Variants in C17orf78 observed in about 807,000 individuals in gnomAD.
The protein encoded by C17orf78 is chromosome 17 open reading frame 78.
Under a neutral mutation model 31.8 loss-of-function variants are expected in C17orf78, and 27 were observed. The observed-to-expected ratio is 0.85, with a 90% CI of 0.63 to 1.17. The LOEUF is 1.17. Among genes scored for constraint, C17orf78 ranks in the 50% most tolerant of loss-of-function variants. C17orf78 has a pLI of 0.00. For synonymous variants in C17orf78, 106 were observed against 115.1 expected (o/e 0.92, Z 0.51); for missense variants, 258 against 315.2 (o/e 0.82, Z 1.37).
Position 37,379,230 on chromosome 17 carries a change from A to G in C17orf78, c.239A>G (p.Asn80Ser), listed in dbSNP as rs1322362236. 6.2e-7 allele frequency: 1 copy of G among 1,613,910 alleles called. No homozygotes were observed. The highest frequency in any genetic ancestry group is 1.1e-5 in the South Asian group (1 of 91,088). The change falls in exon 3 of 7, where the codon AAC becomes AGC. Residue 80 changes from asparagine (N) to serine (S), a missense_variant. Asn to Ser is a conservative substitution (Grantham distance 46). Coordinates refer to ENST00000615133, the MANE Select transcript of C17orf78 (RefSeq NM_173625.5). ...GGCTCTGACAGCAAAGTAAAAGTCA[A>G]CCTTGTATATTTGGAGAGAAGGCCA... Reference protein sequence around the residue: ...CLGSDSKVKVNLVYLERRPKV... With the variant: ...CLGSDSKVKVSLVYLERRPKV...
intron 1 of C17orf78, among the ~76,000 whole-genome samples, 195 bp downstream of exon 1, chr17:37,376,345 G>C (rs974919709): frequency 6.6e-6 from 1 of 152,210 alleles, no homozygotes; most frequent in African/African-American, 2.4e-5. Context: ...TCTGTTTCAT[G>C]ATGAGAGGTC....
chr17:37,390,236 AATATATT>A (rs2050758644), intron 6 of C17orf78, among the ~76,000 whole-genome samples: 1 of 50,044 alleles, frequency 2.0e-5, no homozygotes, highest in African/African-American at 1.6e-4. Context: ...AATTATATAT[AATATATT>A]ATATATATAT....
At chr17:37,384,585 TGTG>T (rs548207675) in intron 3 of C17orf78, among the ~76,000 whole-genome samples, 91 of 152,300 alleles carry the variant, frequency 6.0e-4, no homozygotes, top group African/African-American at 2.1e-3. Context: ...ACAGATAACT[TGTG>T]GTGACTTGTC....
intron 2 of C17orf78, among the ~76,000 whole-genome samples, 191 bp from the exon 3 acceptor site, chr17:37,378,946 A>G (rs2050125004): frequency 6.6e-6 from 1 of 151,974 alleles, no homozygotes; most frequent in Admixed American, 6.6e-5. Flanking sequence ...CTGTAGTCCC[A>G]TAGTCACAGC....
At chr17:37,381,338 A>G (rs2050248677) in intron 3 of C17orf78, among the ~76,000 whole-genome samples, 1 of 151,824 alleles carries the variant, frequency 6.6e-6, no homozygotes, top group Admixed American at 6.6e-5. Context: ...GGTGCCCACC[A>G]CCACACCCAG....
At chr17:37,384,139 C>T (rs1389560259) in intron 3 of C17orf78, among the ~76,000 whole-genome samples, 1 of 152,122 alleles carries the variant, frequency 6.6e-6, no homozygotes, top group African/African-American at 2.4e-5. Flanking sequence ...TGGTGTGCGC[C>T]TGTTGTCCCA....
chr17:37,376,259 A>G, intron 1 of C17orf78, 109 bp downstream of exon 1: 1 of 912,220 alleles, frequency 1.1e-6, no homozygotes, highest in South Asian at 1.5e-5. Flanking sequence ...AGCAAGCAAT[A>G]CTTTCCAGAG....
Position 37,388,698 on chromosome 17 carries a change from G to C in C17orf78, c.537G>C (p.Gln179His). 6.2e-7 allele frequency: 1 copy of C among 1,612,502 alleles called. No homozygotes were observed. Among genetic ancestry groups the C allele is most frequent in the Admixed American group, 1.7e-5 (1 of 59,856 alleles). ...CAGATGAGAACCTAGAGAAGAGACA[G>C]AAATGGAGTATTGTGGTCAAAATTC... The part of the protein sequence containing the change: ...TDTDENLEKR[Q>H]KWSIVVKILI... Residue 179 changes from glutamine (Q) to histidine (H), a missense_variant, in exon 5 of 7, where the codon CAG (glutamine) becomes CAC (histidine). Coordinates refer to ENST00000615133, the MANE Select transcript of C17orf78 (RefSeq NM_173625.5).
At chr17:37,383,235 G>A (rs907045066) in intron 3 of C17orf78, among the ~76,000 whole-genome samples, 4 of 152,166 alleles carry the variant, frequency 2.6e-5, no homozygotes, top group South Asian at 4.1e-4. Flanking sequence ...GGCATTGTGA[G>A]ACTTGGGGCA....
chr17:37,379,453 C>T (rs931408871), intron 3 of C17orf78, 71 bp downstream of exon 3: 59 of 1,496,114 alleles, frequency 3.9e-5, no homozygotes, highest in Non-Finnish European at 4.0e-5. Context: ...GCCAGAACTC[C>T]GTAGCAGGAA....
Position 37,381,697 on chromosome 17 carries a change from A to C in C17orf78, c.391+2315A>C, listed in dbSNP as rs4470189. ...GGCTGGAGTGCAGTGGTGCGATCTCAGCTCACTGCAAGCTCCGCCTCTCGG... is the reference window on the plus strand; with the variant it reads ...GGCTGGAGTGCAGTGGTGCGATCTCCGCTCACTGCAAGCTCCGCCTCTCGG... On this transcript the variant is annotated intron_variant, in intron 3 of 6. Transcript: ENST00000615133. Among the ~76,000 whole-genome samples the C allele has an allele frequency of 7.0e-3, 967 of 138,758 alleles. 13 individuals carry two copies. The highest frequency in any genetic ancestry group is 0.025 in the African/African-American group (920 of 36,628). The allele number at this position is 138,758 out of a possible 152,430, so 91.0% of individuals were successfully genotyped here. A position where few individuals can be genotyped will look rare whatever the true frequency, so the allele number is the denominator to read the frequency against.
At position 37,378,107 on chromosome 17, in the gene C17orf78, G is replaced by A. The variant is rs912328088; in HGVS notation, c.145+142G>A. 1.7e-5 allele frequency: 12 copies of A among 695,390 alleles called. No homozygotes were observed. In the African/African-American group the frequency reaches 2.0e-4, roughly 12 times the overall value. The allele number at this position is 695,390 out of a possible 1,614,324, so 43.1% of individuals were successfully genotyped here. A position where few individuals can be genotyped will look rare whatever the true frequency, so the allele number is the denominator to read the frequency against. ...TATGTATCCTCCCAGGGGGCTTTCT[G>A]GAAACCAATCTTTAAATTAACTGTC... On this transcript the variant is annotated intron_variant, in intron 2 of 6. Coordinates refer to ENST00000615133, the MANE Select transcript of C17orf78 (RefSeq NM_173625.5).
At position 37,386,267 on chromosome 17, in the gene C17orf78, G is replaced by GA. The variant is rs1399418391; in HGVS notation, c.508+147dup. The GA allele has an allele frequency of 1.2e-5, 7 of 599,770 alleles. No homozygotes were observed. In the Admixed American group the frequency reaches 2.2e-4, roughly 19 times the overall value. The allele number at this position is 599,770 out of a possible 1,614,324, so 37.2% of individuals were successfully genotyped here. A position where few individuals can be genotyped will look rare whatever the true frequency, so the allele number is the denominator to read the frequency against. ...GTTGAGAAGTTACTGAATGTACATT[G>GA]AAAAATCATTCAATTTTTTATTTTA... On this transcript the variant is annotated intron_variant, in intron 4 of 6. Transcript: ENST00000615133.
chr17:37,377,588 A>AGGT (rs1373488855), intron 1 of C17orf78, among the ~76,000 whole-genome samples: 1 of 152,024 alleles, frequency 6.6e-6, no homozygotes, highest in Admixed American at 6.6e-5. Flanking sequence ...TGAACCCAGG[A>AGGT]GGTGAATGTT....
chr17:37,390,320 A>AAT (rs1568096336), intron 6 of C17orf78, among the ~76,000 whole-genome samples: 1 of 47,950 alleles, frequency 2.1e-5, no homozygotes, highest in African/African-American at 1.1e-4. Context: ...ATATATATAT[A>AAT]TATATATATA....
intron 3 of C17orf78, among the ~76,000 whole-genome samples, chr17:37,380,287 A>AG (rs372165824): frequency 0.051 from 3,362 of 65,990 alleles, 194 homozygotes; most frequent in African/African-American, 0.17. Context: ...GGGTGGGGGG[A>AG]GGGGGGAGGG....
In C17orf78 at chr17:37,391,877, A is replaced by C; in HGVS notation, c.*153A>C. On this transcript the variant is annotated 3_prime_UTR_variant, in exon 7 of 7. Coordinates refer to ENST00000615133, the MANE Select transcript of C17orf78 (RefSeq NM_173625.5). ...GTTAATGAAGGGAGAGTGTGGGCTT[A>C]GCAGAGTTACCCTCATGCCCCTATC... 2 of 720,738 alleles carry C rather than the reference A, an allele frequency of 2.8e-6. No individual in the cohort carries two copies. Among genetic ancestry groups the C allele is most frequent in the South Asian group, 3.4e-5 (2 of 58,602 alleles). 44.6% of individuals were successfully genotyped at this position (720,738 alleles called of 1,614,324 possible).
chr17:37,379,226 G>A lies in C17orf78; in HGVS notation c.235G>A (p.Val79Ile), dbSNP rs371688382. The A allele has an allele frequency of 1.3e-4, 210 of 1,613,888 alleles. No individual in the cohort carries two copies. The highest frequency in any genetic ancestry group is 1.5e-4 in the Non-Finnish European group (178 of 1,179,912). ...CCTTGGCTCTGACAGCAAAGTAAAA[G>A]TCAACCTTGTATATTTGGAGAGAAG... ...QCLGSDSKVK[V>I]NLVYLERRPK... The change falls in exon 3 of 7, where the codon GTC (valine) becomes ATC (isoleucine). Residue 79 changes from valine (V) to isoleucine (I), a missense_variant. By Grantham distance (29) the Val-to-Ile change is conservative (BLOSUM62 3). Coordinates refer to ENST00000615133, the MANE Select transcript of C17orf78 (RefSeq NM_173625.5).
chr17:37,389,130 C>T, intron 5 of C17orf78, 116 bp from the exon 6 acceptor site: 1 of 1,331,990 alleles, frequency 7.5e-7, no homozygotes, highest in African/African-American at 1.5e-5. Flanking sequence ...TCCAATAGGA[C>T]TGAATATTTT....
Sources: allele counts gnomAD v4.1 joint callset (sites outside exome capture counted in the v4.1 genomes callset), GRCh38; gene constraint gnomAD v4.1.1; transcripts MANE v1.5; gene names NCBI Gene and HGNC (gene_info 2026-07-23, HGNC 2026-07-21).